The following ELAVL3 variants were observed in gnomAD, a reference collection of about 807,000 sequenced individuals.
ELAVL3 encodes ELAV like RNA binding protein 3, also known as ELAV-like protein 3.
In ELAVL3, 8 loss-of-function variants were observed where a neutral mutation model predicts 34.2. The ratio of observed to expected loss-of-function variants is 0.23; its 90% CI spans 0.14 to 0.42. The LOEUF is 0.42. Ranked by LOEUF, ELAVL3 falls within the 10% of genes least tolerant of loss-of-function variation. ELAVL3 has a pLI of 1.00. For synonymous variants in ELAVL3, 209 were observed against 222.1 expected, an observed-to-expected ratio of 0.94 and a Z score of 0.53; for missense variants, 273 against 518.8, an observed-to-expected ratio of 0.53 and a Z score of 4.60.
chr19:11,457,591 T>C (rs1487073944), intron 5 of ELAVL3, among the ~76,000 whole-genome samples: 1 of 152,212 alleles, frequency 6.6e-6, no homozygotes, highest in Non-Finnish European at 1.5e-5. Flanking sequence ...CTCCAGGTCC[T>C]GGGTTTGAGT....
rs1033080042 is a variant in ELAVL3, at chr19:11,480,868, G to T, written c.-260C>A. On this transcript the variant is annotated 5_prime_UTR_variant, in exon 1 of 7. Coordinates refer to ENST00000359227, the MANE Select transcript of ELAVL3 (RefSeq NM_001420.4). This position sits in a 1 kb window ranked among gnomAD's most constrained non-coding sequence, Gnocchi z 6.8. ...AAGAGGGAGCGGGCGCGGGGTTGAG[G>T]ACGCCCCCTGCGCGGCCCCGCGGGG... The T allele has an allele frequency of 2.7e-5, 10 of 365,280 alleles. No homozygotes were observed. Among genetic ancestry groups the T allele is most frequent in the African/African-American group, 2.1e-4 (10 of 47,350 alleles). 22.6% of individuals were successfully genotyped at this position (365,280 alleles called of 1,614,324 possible).
chr19:11,453,027 C>G lies in ELAVL3; in HGVS notation c.*1499G>C, dbSNP rs891691898. The G allele has an allele frequency of 6.6e-6, 1 of 152,210 alleles. No individual in the cohort carries two copies. 9.4% of individuals were successfully genotyped at this position (152,210 alleles called of 1,614,324 possible). ...GCTGGGCCTTTGGGCCCATCCACCC[C>G]ACCCTGGGCCTGGCGGGGAGTGCCG... On this transcript the variant is annotated 3_prime_UTR_variant, in exon 7 of 7. Coordinates refer to ENST00000359227, the MANE Select transcript of ELAVL3 (RefSeq NM_001420.4).
intron 3 of ELAVL3, among the ~76,000 whole-genome samples, chr19:11,465,265 TACACCACACACATAC>T (rs1231534789): frequency 2.2e-5 from 1 of 46,112 alleles, no homozygotes; most frequent in East Asian, 5.5e-4. Flanking sequence ...ACCGCACACA[TACACCACACACATAC>T]ACACACACAC....
At chr19:11,479,047 T>A (rs1183871323) in intron 1 of ELAVL3, among the ~76,000 whole-genome samples, 1 of 152,192 alleles carries the variant, frequency 6.6e-6, no homozygotes, top group Non-Finnish European at 1.5e-5. Context: ...CTGGAGAACC[T>A]AGGTCCTCAA....
rs761582786 is a variant in ELAVL3, at chr19:11,458,577, C to T, written c.368G>A (p.Arg123Gln). ...CCCGCTGACGTACAGGTTAGCATCC[C>T]GGATGGATGCTGAACTGGGTCTGGC... The part of the protein sequence containing the change: ...SYARPSSASI[R>Q]DANLYVSGLP... The change falls in exon 4 of 7, where the codon CGG becomes CAG. Residue 123 changes from arginine (R) to glutamine (Q), a missense_variant. Arg to Gln is a conservative substitution (Grantham distance 43, BLOSUM62 1). This residue lies in a region of ELAVL3 where 102 missense variants were observed against 250.1 expected (regional missense o/e 0.41). Coordinates refer to ENST00000359227, the MANE Select transcript of ELAVL3 (RefSeq NM_001420.4). This position sits in a 1 kb window ranked among gnomAD's most constrained non-coding sequence, Gnocchi z 7.3. 6.2e-7 allele frequency: 1 copy of T among 1,613,994 alleles called. No homozygotes were observed.
intron 5 of ELAVL3, 133 bp from the exon 6 acceptor site, chr19:11,457,281 C>G: frequency 1.0e-6 from 1 of 993,396 alleles, no homozygotes; most frequent in Non-Finnish European, 1.4e-6. Context: ...CTGCTCCCCG[C>G]CCGCCCGGCT....
intron 3 of ELAVL3, among the ~76,000 whole-genome samples, chr19:11,464,382 C>A (rs1970966440): frequency 6.6e-6 from 1 of 151,464 alleles, no homozygotes; most frequent in Middle Eastern, 3.2e-3. Context: ...AGGTTGGTCT[C>A]AAACTCTCGG....
Position 11,466,560 on chromosome 19 carries a change from T to C in ELAVL3, c.229+48A>G, listed in dbSNP as rs1241818586. ...CCACCTGCCCCCATCACCTCTGTAT[T>C]TCTGAGGCTACCACCTCTGTTCCTC... On this transcript the variant is annotated intron_variant, in intron 2 of 6. Coordinates refer to ENST00000359227, the MANE Select transcript of ELAVL3 (RefSeq NM_001420.4). This position sits in a 1 kb window ranked among gnomAD's most constrained non-coding sequence, Gnocchi z 5.0. 1 of 1,601,284 alleles carries C rather than the reference T, an allele frequency of 6.2e-7. No individual in the cohort carries two copies. The highest frequency in any genetic ancestry group is 8.5e-7 in the Non-Finnish European group (1 of 1,171,490).
Position 11,480,511 on chromosome 19 carries a change from C to A in ELAVL3, c.9+89G>T. 2.2e-6 allele frequency: 3 copies of A among 1,390,100 alleles called. No individual in the cohort carries two copies. Among genetic ancestry groups the A allele is most frequent in the Non-Finnish European group, 2.8e-6 (3 of 1,062,036 alleles). The allele number at this position is 1,390,100 out of a possible 1,614,324, so 86.1% of individuals were successfully genotyped here. A position where few individuals can be genotyped will look rare whatever the true frequency, so the allele number is the denominator to read the frequency against. On this transcript the variant is annotated intron_variant, in intron 1 of 6. Coordinates refer to ENST00000359227, the MANE Select transcript of ELAVL3 (RefSeq NM_001420.4). The surrounding 1 kb of genome is among the most constrained non-coding windows in gnomAD (Gnocchi z 6.8). ...CGGGCCTAGCTAGGCCTGGTCCTAC[C>A]CCCCCCGCCGCACCCGCCCAATCTC...
At chr19:11,476,169 G>A (rs1172071682) in intron 1 of ELAVL3, among the ~76,000 whole-genome samples, 1 of 152,174 alleles carries the variant, frequency 6.6e-6, no homozygotes, top group African/African-American at 2.4e-5. Flanking sequence ...TGAGGTGCCT[G>A]TTGTGTGCCA....
chr19:11,477,513 CA>C lies in ELAVL3; in HGVS notation c.9+3086del, dbSNP rs1314641777. Among the ~76,000 whole-genome samples, 5 of 152,160 alleles carry C rather than the reference CA, an allele frequency of 3.3e-5. No homozygotes were observed. The East Asian group carries it at 7.7e-4, about 23-fold the overall frequency. On this transcript the variant is annotated intron_variant, in intron 1 of 6. Transcript: ENST00000359227. ...CTGCGATCCTCCTGCCTTAGCCTCC[CA>C]AAGTGCTGAGATTACAGGTGTGAGC... is the stretch of plus-strand genomic sequence containing the variant.
chr19:11,476,378 A>G (rs1198849530), intron 1 of ELAVL3, among the ~76,000 whole-genome samples: 1 of 152,034 alleles, frequency 6.6e-6, no homozygotes, highest in Non-Finnish European at 1.5e-5. Flanking sequence ...GTTTCCACCA[A>G]AAAATTTCCA....
In ELAVL3 at chr19:11,458,868, G is replaced by T. The variant is rs1166682538; in HGVS notation, c.334-257C>A. ...CCTAGGGAGGACATGTCTCCCTGGGGTGACATGTGACCCCAAAGGGATCCT... is the reference window on the plus strand; with the variant it reads ...CCTAGGGAGGACATGTCTCCCTGGGTTGACATGTGACCCCAAAGGGATCCT... On this transcript the variant is annotated intron_variant, in intron 3 of 6. Transcript: ENST00000359227. The surrounding 1 kb of genome is among the most constrained non-coding windows in gnomAD (Gnocchi z 7.3). Among the ~76,000 whole-genome samples, 1 of 152,052 alleles carries T rather than the reference G, an allele frequency of 6.6e-6. No homozygotes were observed. Among genetic ancestry groups the T allele is most frequent in the Non-Finnish European group, 1.5e-5 (1 of 68,008 alleles).
At chr19:11,463,296 C>A (rs767276227) in intron 3 of ELAVL3, among the ~76,000 whole-genome samples, 20 of 152,290 alleles carry the variant, frequency 1.3e-4, no homozygotes, top group Middle Eastern at 3.4e-3. Context: ...GCTGCCATAG[C>A]GCCCAGTCCT....
At position 11,458,341 on chromosome 19, in the gene ELAVL3, C is replaced by T. The variant is rs1970813559; in HGVS notation, c.488-55G>A. ...CGACCCTGTCCCCTCCTGTGTAACC[C>T]CACTTCTCCCTTCCCTGCTTCATGC... On this transcript the variant is annotated intron_variant, in intron 4 of 6. Transcript: ENST00000359227. This position sits in a 1 kb window ranked among gnomAD's most constrained non-coding sequence, Gnocchi z 7.3. 1.1e-5 allele frequency: 17 copies of T among 1,607,118 alleles called. No homozygotes were observed. The highest frequency in any genetic ancestry group is 1.4e-5 in the Non-Finnish European group (17 of 1,175,934).
chr19:11,470,828 G>A (rs1026516503), intron 1 of ELAVL3, among the ~76,000 whole-genome samples: 2 of 152,136 alleles, frequency 1.3e-5, no homozygotes, highest in African/African-American at 4.8e-5. Flanking sequence ...CCCTCGGAAT[G>A]TGAAGACCAC....
intron 3 of ELAVL3, among the ~76,000 whole-genome samples, chr19:11,464,123 G>GTCTCTCTCTCTCTCTCTCTCTC (rs1165917141): frequency 2.3e-4 from 26 of 110,942 alleles, no homozygotes; most frequent in African/African-American, 1.0e-3. Context: ...GTCTCTCTCT[G>GTCTCTCTCTCTCTCTCTCTCTC]TCTCTCTCTC....
At chr19:11,469,033 C>T (rs1971111681) in intron 1 of ELAVL3, among the ~76,000 whole-genome samples, 2 of 152,248 alleles carry the variant, frequency 1.3e-5, no homozygotes, top group Middle Eastern at 3.4e-3. Context: ...AATCCTCCCA[C>T]GTCAGCCTCC....
intron 1 of ELAVL3, among the ~76,000 whole-genome samples, chr19:11,473,032 A>G (rs1409012423): frequency 1.3e-5 from 2 of 151,432 alleles, no homozygotes; most frequent in Non-Finnish European, 2.9e-5. Context: ...ACACCATTGC[A>G]CTCCAGCCTG....
Sources: allele counts gnomAD v4.1 joint callset (sites outside exome capture counted in the v4.1 genomes callset), GRCh38; gene constraint gnomAD v4.1.1; regional missense constraint gnomAD v4.1.1; non-coding constraint Gnocchi (gnomAD v3.1); transcripts MANE v1.5; gene names NCBI Gene and HGNC (gene_info 2026-07-23, HGNC 2026-07-21).